Variants in PTPRM observed in about 807,000 individuals in gnomAD.
PTPRM encodes protein tyrosine phosphatase receptor type M.
Under a neutral mutation model 186.7 loss-of-function variants are expected in PTPRM, and 47 were observed. The observed-to-expected ratio is 0.25, with a 90% CI of 0.20 to 0.32. The LOEUF (loss-of-function observed/expected upper bound fraction) is 0.32, where lower values mean the gene tolerates loss of function less well. PTPRM is among the 10% of genes least tolerant of loss of function. PTPRM has a pLI of 1.00. For synonymous variants in PTPRM, 668 were observed against 674.9 expected (o/e 0.99, Z 0.16); for missense variants, 1,494 against 1,865.0 (o/e 0.80, Z 3.66).
intron 19 of PTPRM, among the ~76,000 whole-genome samples, chr18:8,280,672 A>G (rs1019966192): frequency 2.6e-5 from 4 of 152,206 alleles, no homozygotes; most frequent in African/African-American, 7.2e-5. Flanking sequence ...CAAGTGCTCA[A>G]TAGCCACAGG....
At position 8,085,726 on chromosome 18, in the gene PTPRM, G is replaced by A. The variant is rs1255680225; in HGVS notation, c.1607G>A (p.Ser536Asn). ...FDPEIDLSNQ[S>N]GRVSKLGNET... is the part of the protein sequence containing the mutation. ...CCAGAAATAGATTTATCCAATCAGA[G>A]TGGAAGAGTTTCAAAGCTGGGAAAT... The change falls in exon 10 of 33, where the codon AGT (serine) becomes AAT (asparagine). Residue 536 changes from serine to asparagine, a missense_variant. By Grantham distance (46) the Ser-to-Asn change is conservative. This residue lies in a region of PTPRM where 1,107 missense variants were observed against 1,350.2 expected (regional missense o/e 0.82). Transcript: ENST00000580170. The A allele has an allele frequency of 6.2e-7, 1 of 1,611,478 alleles. No individual in the cohort carries two copies. Among genetic ancestry groups the A allele is most frequent in the East Asian group, 2.2e-5 (1 of 44,866 alleles).
chr18:8,265,429 TGC>T (rs1284602297), intron 19 of PTPRM, among the ~76,000 whole-genome samples: 1 of 152,200 alleles, frequency 6.6e-6, no homozygotes, highest in Non-Finnish European at 1.5e-5. Context: ...ATTGCGTGGC[TGC>T]CAACCAACCT....
intron 22 of PTPRM, among the ~76,000 whole-genome samples, chr18:8,333,837 C>T (rs924189839): frequency 6.6e-6 from 1 of 152,160 alleles, no homozygotes; most frequent in Non-Finnish European, 1.5e-5. Flanking sequence ...GCACTTCTGC[C>T]ATTCAGTGTG....
chr18:7,758,967 G>A (rs1032153696), intron 1 of PTPRM, among the ~76,000 whole-genome samples: 13 of 151,898 alleles, frequency 8.6e-5, no homozygotes, highest in African/African-American at 3.2e-4. Flanking sequence ...AGTAACTGTC[G>A]GAGGGAGTCT....
intron 5 of PTPRM, among the ~76,000 whole-genome samples, chr18:7,926,898 G>A (rs551721042): frequency 6.6e-6 from 1 of 151,452 alleles, no homozygotes; most frequent in Non-Finnish European, 1.5e-5. Context: ...CTTATGCTTA[G>A]TCATCTTGCT....
chr18:8,379,129 G>C (rs755213119), intron 27 of PTPRM, 38 bp from the exon 28 acceptor site: 55 of 1,526,880 alleles, frequency 3.6e-5, no homozygotes, highest in Non-Finnish European at 4.8e-5. Context: ...CCGCTGCCAA[G>C]GCTTCTTGTC....
rs1315849105 is a variant in PTPRM, at chr18:7,773,585, T to TG, written c.74-564_74-563insG. ...TCTTTTCTTTGTTTTTTTTTTTTTTTTTTGTTTGTTTGTTTTTTGAGACAG... is the reference window on the plus strand; with the variant it reads ...TCTTTTCTTTGTTTTTTTTTTTTTTTGTTTGTTTGTTTGTTTTTTGAGACAG... On this transcript the variant is annotated intron_variant, in intron 1 of 32. Transcript: ENST00000580170. Among the ~76,000 whole-genome samples, 719 of 133,168 alleles carry TG rather than the reference T, an allele frequency of 5.4e-3. 2 individuals carry two copies. Among genetic ancestry groups the TG allele is most frequent in the African/African-American group, 0.019 (681 of 35,974 alleles). The allele number at this position is 133,168 out of a possible 152,430, so 87.4% of individuals were successfully genotyped here.
intron 1 of PTPRM, among the ~76,000 whole-genome samples, chr18:7,665,820 G>A (rs1180082815): frequency 7.9e-5 from 12 of 152,026 alleles, no homozygotes; most frequent in Admixed American, 7.9e-4. Context: ...TGCTCAGGAG[G>A]CTGAGGCAGG....
chr18:7,727,000 T>C (rs538060324), intron 1 of PTPRM, among the ~76,000 whole-genome samples: 3 of 152,114 alleles, frequency 2.0e-5, no homozygotes, highest in South Asian at 2.1e-4. Context: ...TATAATTCAG[T>C]GGTAAGACAA....
chr18:7,996,386 G>A (rs2083537930), intron 7 of PTPRM, among the ~76,000 whole-genome samples: 1 of 151,944 alleles, frequency 6.6e-6, no homozygotes, highest in Admixed American at 6.6e-5. Flanking sequence ...CAATGAACTT[G>A]GACATACCTC....
intron 1 of PTPRM, among the ~76,000 whole-genome samples, chr18:7,666,950 C>T (rs1271120212): frequency 6.6e-6 from 1 of 152,122 alleles, no homozygotes; most frequent in African/African-American, 2.4e-5. Flanking sequence ...TGGGAGTGTG[C>T]CACTCCAGGC....
At chr18:8,266,902 T>G (rs2147570887) in intron 19 of PTPRM, among the ~76,000 whole-genome samples, 1 of 152,204 alleles carries the variant, frequency 6.6e-6, no homozygotes, top group East Asian at 1.9e-4. Flanking sequence ...AGTGAAACTC[T>G]GTCTCAAAAA....
chr18:7,800,075 C>A (rs1001588789), intron 2 of PTPRM, among the ~76,000 whole-genome samples: 1 of 152,012 alleles, frequency 6.6e-6, no homozygotes, highest in Non-Finnish European at 1.5e-5. Context: ...CTAGGTGTAT[C>A]CTAAGCAATA....
At chr18:8,022,297 A>G (rs2085283612) in intron 7 of PTPRM, among the ~76,000 whole-genome samples, 1 of 152,342 alleles carries the variant, frequency 6.6e-6, no homozygotes, top group Admixed American at 6.5e-5. Context: ...TGAAGCCATC[A>G]TATGGCGCTT....
intron 13 of PTPRM, among the ~76,000 whole-genome samples, chr18:8,140,668 A>G (rs897263088): frequency 6.6e-6 from 1 of 152,096 alleles, no homozygotes; most frequent in African/African-American, 2.4e-5. Context: ...CACCAGTGCA[A>G]TGAATACGAT....
intron 2 of PTPRM, among the ~76,000 whole-genome samples, chr18:7,805,809 T>C (rs145793971): frequency 0.011 from 1,614 of 152,344 alleles, 8 homozygotes; most frequent in Middle Eastern, 0.02. Flanking sequence ...AGGCTGTCTT[T>C]TTTTCAGAAT....
At chr18:7,990,433 TG>T (rs1352441339) in intron 7 of PTPRM, among the ~76,000 whole-genome samples, 36 of 152,226 alleles carry the variant, frequency 2.4e-4, no homozygotes, top group Admixed American at 2.4e-3. Context: ...CTTTGGATAA[TG>T]TCATAAATAG....
At chr18:8,289,511 T>C (rs1447017700) in intron 19 of PTPRM, among the ~76,000 whole-genome samples, 1 of 89,434 alleles carries the variant, frequency 1.1e-5, no homozygotes, top group Non-Finnish European at 2.3e-5. Flanking sequence ...TATGTGTGTG[T>C]ATGTATATAT....
chr18:7,659,117 T>TACACACACACACACAC (rs10541547), intron 1 of PTPRM, among the ~76,000 whole-genome samples: 8 of 143,916 alleles, frequency 5.6e-5, no homozygotes, highest in African/African-American at 1.8e-4. Flanking sequence ...CACATGTATG[T>TACACACACACACACAC]ACACACACAC....
Sources: gnomAD v4.1 joint callset for allele counts (sites outside exome capture counted in the v4.1 genomes callset) on GRCh38, gnomAD v4.1.1 for gene constraint, gnomAD v4.1.1 regional missense constraint, MANE v1.5 for transcripts, NCBI Gene and HGNC (gene_info 2026-07-23, HGNC 2026-07-21) for gene names.